ITPR2: variants seen among roughly 807,000 people sequenced by gnomAD.
The protein encoded by ITPR2 is inositol 1,4,5-trisphosphate-gated calcium channel ITPR2.
A neutral mutation model predicts 317.1 loss-of-function variants in ITPR2; 207 were observed. The ratio of observed to expected loss-of-function variants is 0.65; its 90% CI spans 0.58 to 0.73. The LOEUF is 0.73. ITPR2 is among the 30% of genes least tolerant of loss of function. The pLI is 0.00. For synonymous variants in ITPR2, 1,156 were observed against 1,149.1 expected (o/e 1.01, Z -0.12); for missense variants, 2,613 against 3,284.0 (o/e 0.80, Z 4.99).
chr12:26,661,293 A>AGGGGG (rs1947496300), intron 15 of ITPR2, among the ~76,000 whole-genome samples: 1 of 8,242 alleles, frequency 1.2e-4, no homozygotes, highest in African/African-American at 5.6e-4. Flanking sequence ...GGGGGGTGGG[A>AGGGGG]GGGAACGGGC....
At position 26,369,386 on chromosome 12, in the gene ITPR2, T is replaced by C. The variant is rs564919272; in HGVS notation, c.7857+18048A>G. The stretch of plus-strand genomic sequence containing the variant: ...CACCTGTCATGGTCTAGGTGACAGT[T>C]GAAGGCTATCTGAATTAGAATGATG... On this transcript the variant is annotated intron_variant, in intron 55 of 56. Coordinates refer to ENST00000381340, the MANE Select transcript of ITPR2 (RefSeq NM_002223.4). Among the ~76,000 whole-genome samples the C allele has an allele frequency of 1.3e-4, 20 of 152,320 alleles. No individual in the cohort carries two copies. The East Asian group carries it at 2.9e-3, about 22-fold the overall frequency.
intron 20 of ITPR2, 95 bp from the exon 21 acceptor site, chr12:26,654,221 T>A (rs576108988): frequency 1.0e-6 from 1 of 961,566 alleles, no homozygotes; most frequent in East Asian, 2.6e-5. Context: ...ATTATCTAAA[T>A]TAGCACAGCA....
At chr12:26,418,175 T>C (rs948533195) in intron 50 of ITPR2, among the ~76,000 whole-genome samples, 18 of 152,164 alleles carry the variant, frequency 1.2e-4, no homozygotes, top group African/African-American at 3.9e-4. Flanking sequence ...TGCTAGATAA[T>C]AGGGAGGCAG....
chr12:26,696,384 T>TG (rs1340862914), intron 9 of ITPR2, among the ~76,000 whole-genome samples: 2 of 152,158 alleles, frequency 1.3e-5, no homozygotes, highest in Non-Finnish European at 2.9e-5. Flanking sequence ...TCCAATTGAA[T>TG]TTAATCATTT....
chr12:26,587,228 T>A (rs1048905060), intron 32 of ITPR2, among the ~76,000 whole-genome samples: 1 of 151,288 alleles, frequency 6.6e-6, no homozygotes, highest in Non-Finnish European at 1.5e-5. Context: ...TATGCAGCAG[T>A]GAACAGAGAT....
intron 4 of ITPR2, among the ~76,000 whole-genome samples, chr12:26,723,610 C>T (rs116417335): frequency 9.9e-5 from 15 of 152,260 alleles, no homozygotes; most frequent in African/African-American, 3.6e-4. Context: ...AGGGAGCTGC[C>T]GACCCAGCTT....
intron 34 of ITPR2, among the ~76,000 whole-genome samples, chr12:26,575,746 T>G (rs565077624): frequency 2.6e-5 from 4 of 152,218 alleles, no homozygotes; most frequent in Non-Finnish European, 5.9e-5. Context: ...CTAATATAGT[T>G]TCAGTAACTA....
intron 21 of ITPR2, among the ~76,000 whole-genome samples, chr12:26,651,742 G>C (rs927592703): frequency 2.6e-5 from 4 of 152,182 alleles, no homozygotes; most frequent in African/African-American, 7.2e-5. Context: ...CACAAGGAGC[G>C]GGTTTATAGG....
intron 2 of ITPR2, among the ~76,000 whole-genome samples, chr12:26,735,601 A>G (rs1035764192): frequency 2.6e-5 from 4 of 152,246 alleles, no homozygotes; most frequent in Admixed American, 1.3e-4. Flanking sequence ...GTGCATGTGC[A>G]CACACACATA....
At chr12:26,516,625 T>A (rs1035948523) in intron 37 of ITPR2, among the ~76,000 whole-genome samples, 25 of 152,264 alleles carry the variant, frequency 1.6e-4, no homozygotes, top group South Asian at 4.1e-4. Context: ...TATAAAAAAA[T>A]TTTTATATGC....
At chr12:26,651,491 T>C (rs1173388066) in intron 21 of ITPR2, among the ~76,000 whole-genome samples, 3 of 152,252 alleles carry the variant, frequency 2.0e-5, no homozygotes, top group Non-Finnish European at 2.9e-5. Context: ...TCTTGGGTTT[T>C]GGTCCATTTC....
At chr12:26,403,490 C>T (rs74072157) in intron 52 of ITPR2, among the ~76,000 whole-genome samples, 2,366 of 152,186 alleles carry the variant, frequency 0.016, 38 homozygotes, top group African/African-American at 0.05. Context: ...TGGTGATACA[C>T]GTGTGTAGGC....
intron 2 of ITPR2, among the ~76,000 whole-genome samples, chr12:26,773,746 G>A (rs1341983605): frequency 6.6e-6 from 1 of 152,142 alleles, no homozygotes; most frequent in Admixed American, 6.5e-5. Flanking sequence ...TAAAGTATAA[G>A]CACTTTTACA....
intron 55 of ITPR2, among the ~76,000 whole-genome samples, chr12:26,382,280 T>A (rs1278009916): frequency 6.6e-6 from 1 of 152,248 alleles, no homozygotes; most frequent in Non-Finnish European, 1.5e-5. Flanking sequence ...AATACCTTGA[T>A]CTACTCATAT....
intron 1 of ITPR2, among the ~76,000 whole-genome samples, chr12:26,814,097 TC>T (rs1950806302): frequency 6.6e-6 from 1 of 152,196 alleles, no homozygotes; most frequent in Non-Finnish European, 1.5e-5. Context: ...AGTGTTTTTT[TC>T]TGGAGTTTAG....
In ITPR2 at chr12:26,674,233, G is replaced by A. The variant is rs1197511957; in HGVS notation, c.1409+7641C>T. On this transcript the variant is annotated intron_variant, in intron 13 of 56. Coordinates refer to ENST00000381340, the MANE Select transcript of ITPR2 (RefSeq NM_002223.4). The stretch of plus-strand genomic sequence containing the variant: ...ATGGAACCAAAAAAGAGCCTGCATC[G>A]CCAAGTCAATCCTAAGCCAAAAGAA... 1.4e-4 allele frequency among the ~76,000 whole-genome samples: 21 copies of A among 150,350 alleles called. No individual in the cohort carries two copies. The South Asian group carries it at 1.5e-3, about 11-fold the overall frequency.
intron 37 of ITPR2, among the ~76,000 whole-genome samples, chr12:26,497,342 G>A (rs1942960001): frequency 6.6e-6 from 1 of 151,906 alleles, no homozygotes; most frequent in South Asian, 2.1e-4. Flanking sequence ...TTTTAGTAGA[G>A]ACGTGGTTTC....
intron 9 of ITPR2, 121 bp from the exon 10 acceptor site, chr12:26,695,771 GA>G (rs1948334014): frequency 1.5e-6 from 1 of 661,798 alleles, no homozygotes; most frequent in Non-Finnish European, 2.7e-6. Context: ...AAGATGCTAA[GA>G]AAGAAACTAT....
Position 26,786,505 on chromosome 12 carries a change from G to C in ITPR2, c.163+3652C>G, listed in dbSNP as rs77814559. On this transcript the variant is annotated intron_variant, in intron 2 of 56. Coordinates refer to ENST00000381340, the MANE Select transcript of ITPR2 (RefSeq NM_002223.4). The stretch of plus-strand genomic sequence containing the variant: ...TTTGATCATTAAAGAAATTTTATTC[G>C]CATAAGAAAAAGCTACTATGTTTCT... 3.4e-5 allele frequency among the ~76,000 whole-genome samples: 5 copies of C among 147,792 alleles called. No individual in the cohort carries two copies. The South Asian group carries it at 1.1e-3, about 32-fold the overall frequency.
Sources: gnomAD v4.1 joint callset for allele counts (sites outside exome capture counted in the v4.1 genomes callset) on GRCh38, gnomAD v4.1.1 for gene constraint, MANE v1.5 for transcripts, NCBI Gene and HGNC (gene_info 2026-07-23, HGNC 2026-07-21) for gene names.